Variants in DIP2B observed in about 807,000 individuals in gnomAD.
DIP2B encodes disco-interacting protein 2 homolog B.
A neutral mutation model predicts 198.0 loss-of-function variants in DIP2B; 76 were observed. That is an observed-to-expected ratio of 0.38 (90% confidence interval 0.32 to 0.46). DIP2B has a LOEUF of 0.46. Ranked by LOEUF, DIP2B falls within the 20% of genes least tolerant of loss-of-function variation. The pLI is 0.99. For synonymous variants in DIP2B, 701 were observed against 739.1 expected (o/e 0.95, Z 0.84); for missense variants, 1,559 against 1,978.4 (o/e 0.79, Z 4.02).
chr12:50,623,467 T>TCA (rs1937865458), intron 1 of DIP2B, among the ~76,000 whole-genome samples: 3 of 134,516 alleles, frequency 2.2e-5, no homozygotes, highest in Admixed American at 7.5e-5. Context: ...TCTCTCTCTC[T>TCA]CTCACTCACC....
rs929016312 is a variant in DIP2B, at chr12:50,558,092, C to T, written c.100+52852C>T. 1.2e-3 allele frequency among the ~76,000 whole-genome samples: 12 copies of T among 10,066 alleles called. No homozygotes were observed. The Non-Finnish European group carries it at 0.029, about 25-fold the overall frequency. 6.6% of individuals were successfully genotyped at this position (10,066 alleles called of 152,430 possible). ...TAAATTATCACGTTTCAGCTGAGCGCGGTAGCGTCCTAAGCCTGTAATTCC... is the reference window on the plus strand; with the variant it reads ...TAAATTATCACGTTTCAGCTGAGCGTGGTAGCGTCCTAAGCCTGTAATTCC... On this transcript the variant is annotated intron_variant, in intron 1 of 37. Coordinates refer to ENST00000301180, the MANE Select transcript of DIP2B (RefSeq NM_173602.3).
chr12:50,724,975 C>A, intron 28 of DIP2B, 89 bp downstream of exon 28: 1 of 1,331,220 alleles, frequency 7.5e-7, no homozygotes, highest in Non-Finnish European at 1.1e-6. Flanking sequence ...CGTGTTTACC[C>A]TGCCTTTATG....
chr12:50,567,866 G>A lies in DIP2B; in HGVS notation c.101-58110G>A, dbSNP rs574141230. ...TAATTCTATTATCTGTTTAATTTCC[G>A]TTTGGGTATCTGTTGATTGTCTTTC... is the stretch of plus-strand genomic sequence containing the variant. On this transcript the variant is annotated intron_variant, in intron 1 of 37. Coordinates refer to ENST00000301180, the MANE Select transcript of DIP2B (RefSeq NM_173602.3). Among the ~76,000 whole-genome samples the A allele has an allele frequency of 3.9e-5, 6 of 152,240 alleles. No individual in the cohort carries two copies. In the South Asian group the frequency reaches 8.3e-4, roughly 21 times the overall value.
intron 1 of DIP2B, among the ~76,000 whole-genome samples, chr12:50,585,622 G>C (rs1231717503): frequency 3.3e-5 from 5 of 152,216 alleles, no homozygotes; most frequent in African/African-American, 1.2e-4. Context: ...GAAGAGCAGA[G>C]AGAACTGGCT....
intron 1 of DIP2B, among the ~76,000 whole-genome samples, chr12:50,578,021 A>G (rs1233937788): frequency 1.3e-5 from 2 of 152,078 alleles, no homozygotes; most frequent in Admixed American, 1.3e-4. Flanking sequence ...GTGTTGCACT[A>G]TTTTTTTCTT....
chr12:50,739,368 T>G (rs1283487031), intron 35 of DIP2B, 41 bp from the exon 36 acceptor site: 1 of 1,585,200 alleles, frequency 6.3e-7, no homozygotes, highest in African/African-American at 1.3e-5. Context: ...AATACAGTTG[T>G]GTGTCCCCAG....
chr12:50,645,067 TAG>T (rs1320147176), intron 3 of DIP2B, among the ~76,000 whole-genome samples: 3 of 152,204 alleles, frequency 2.0e-5, no homozygotes, highest in Non-Finnish European at 4.4e-5. Context: ...GATGACACCA[TAG>T]ATTCAATTAA....
intron 32 of DIP2B, among the ~76,000 whole-genome samples, chr12:50,733,813 G>C (rs1940090546): frequency 6.6e-6 from 1 of 152,222 alleles, no homozygotes; most frequent in African/African-American, 2.4e-5. Context: ...CTTTCAGAAG[G>C]GTCTTGATGG....
chr12:50,687,090 A>G (rs1939144805), intron 12 of DIP2B, among the ~76,000 whole-genome samples: 1 of 152,336 alleles, frequency 6.6e-6, no homozygotes, highest in Non-Finnish European at 1.5e-5. Flanking sequence ...AAGAGCAAGA[A>G]TAAACAAATG....
chr12:50,614,341 C>G (rs1213710495), intron 1 of DIP2B, among the ~76,000 whole-genome samples: 1 of 152,168 alleles, frequency 6.6e-6, no homozygotes, highest in East Asian at 1.9e-4. Context: ...TTTCCTCTGC[C>G]TGTTCTTTAA....
intron 1 of DIP2B, among the ~76,000 whole-genome samples, chr12:50,608,611 G>A (rs1399489568): frequency 2.1e-5 from 3 of 143,980 alleles, no homozygotes; most frequent in African/African-American, 5.2e-5. Flanking sequence ...GGGTGACATA[G>A]CAAGACTCAG....
At chr12:50,697,442 G>A (rs947242406) in intron 17 of DIP2B, among the ~76,000 whole-genome samples, 4 of 148,558 alleles carry the variant, frequency 2.7e-5, no homozygotes, top group African/African-American at 9.9e-5. Flanking sequence ...GTTCTTGATT[G>A]TAGCTTAAGT....
intron 1 of DIP2B, among the ~76,000 whole-genome samples, chr12:50,591,167 A>G (rs1379067807): frequency 6.6e-6 from 1 of 152,180 alleles, no homozygotes; most frequent in Non-Finnish European, 1.5e-5. Context: ...GTGCAGTCTC[A>G]GATTTCTGTT....
At position 50,704,147 on chromosome 12, in the gene DIP2B, C is replaced by T. The variant is rs1939471851; in HGVS notation, c.2333C>T (p.Pro778Leu). The T allele has an allele frequency of 6.2e-7, 1 of 1,605,894 alleles. No individual in the cohort carries two copies. Among genetic ancestry groups the T allele is most frequent in the Admixed American group, 1.7e-5 (1 of 57,472 alleles). The stretch of plus-strand genomic sequence containing the variant: ...CTTCATTTTGTCTCTTAGGTAATTC[C>T]AGTGAATTCTGCAGGCTCTCCTGTT... ...GVTKNTFEVI[P>L]VNSAGSPVGD... Residue 778 changes from proline (P) to leucine (L), a missense_variant, in exon 20 of 38, where the codon CCA becomes CTA. Transcript: ENST00000301180.
intron 26 of DIP2B, among the ~76,000 whole-genome samples, chr12:50,722,213 A>G (rs1320635360): frequency 6.8e-6 from 1 of 147,966 alleles, no homozygotes; most frequent in Non-Finnish European, 1.5e-5. Context: ...ATCCCCCCAC[A>G]CTTCATATTG....
chr12:50,646,882 A>G (rs575590091), intron 3 of DIP2B, among the ~76,000 whole-genome samples: 6 of 152,182 alleles, frequency 3.9e-5, no homozygotes, highest in Non-Finnish European at 7.3e-5. Context: ...TGGCACACCA[A>G]GATCATTTTA....
chr12:50,663,449 G>A (rs1938689671), intron 4 of DIP2B, among the ~76,000 whole-genome samples: 1 of 151,460 alleles, frequency 6.6e-6, no homozygotes, highest in Non-Finnish European at 1.5e-5. Context: ...CCAGCTACTC[G>A]GGAGGCTGAG....
chr12:50,739,395 C>A lies in DIP2B; in HGVS notation c.4177-14C>A. 6.3e-7 allele frequency: 1 copy of A among 1,598,842 alleles called. No homozygotes were observed. The highest frequency in any genetic ancestry group is 8.6e-7 in the Non-Finnish European group (1 of 1,167,052). Reference sequence around the variant, plus strand: ...TGTCCCCAGTGAGTTGTGATCAAAGCACTTTTCTTGTAGATTTGGGTGAAC... The same window carrying A: ...TGTCCCCAGTGAGTTGTGATCAAAGAACTTTTCTTGTAGATTTGGGTGAAC... On this transcript the variant is annotated splice_polypyrimidine_tract_variant and intron_variant, in intron 35 of 37. Coordinates refer to ENST00000301180, the MANE Select transcript of DIP2B (RefSeq NM_173602.3).
intron 1 of DIP2B, among the ~76,000 whole-genome samples, chr12:50,539,860 A>G (rs895942131): frequency 7.2e-5 from 11 of 152,088 alleles, no homozygotes; most frequent in Admixed American, 3.3e-4. Context: ...AAGCTTTTCT[A>G]TGAATTTTCT....
Sources: allele counts gnomAD v4.1 joint callset (sites outside exome capture counted in the v4.1 genomes callset), GRCh38; gene constraint gnomAD v4.1.1; transcripts MANE v1.5; gene names NCBI Gene and HGNC (gene_info 2026-07-23, HGNC 2026-07-21).